Variants in SEMA6D observed in about 807,000 individuals in gnomAD.
SEMA6D encodes the protein semaphorin 6D.
A neutral mutation model predicts 106.6 loss-of-function variants in SEMA6D; 35 were observed. That is an observed-to-expected ratio of 0.33 (90% CI 0.25 to 0.44). The LOEUF is 0.44. SEMA6D is among the 20% of genes least tolerant of loss of function. SEMA6D has a pLI of 1.00. For synonymous variants in SEMA6D, 499 were observed against 487.7 expected, an observed-to-expected ratio of 1.02 and a Z score of -0.31; for missense variants, 1,185 against 1,345.9, an observed-to-expected ratio of 0.88 and a Z score of 1.87.
rs562967968 is a variant in SEMA6D, at chr15:47,752,369, G to A, written c.-54-7376G>A. On this transcript the variant is annotated intron_variant, in intron 1 of 18. Coordinates refer to ENST00000536845, the MANE Select transcript of SEMA6D (RefSeq NM_001358351.3). ...AATGAAATAGGACTGGAAAATGTCC[G>A]TTGCCTTTAGGTACTTGTAGGTCAT... Among the ~76,000 whole-genome samples the A allele has an allele frequency of 6.6e-5, 10 of 152,296 alleles. No homozygotes were observed. In the East Asian group the frequency reaches 9.6e-4, roughly 15 times the overall value.
At chr15:47,657,836 G>A (rs575442414) in intron 4 of SEMA6D, among the ~76,000 whole-genome samples, 1 of 137,654 alleles carries the variant, frequency 7.3e-6, no homozygotes, top group South Asian at 2.3e-4. Context: ...CGTGTCCCAG[G>A]TTCATGCCAT....
At chr15:47,466,869 G>A (rs2042678676) in intron 2 of SEMA6D, among the ~76,000 whole-genome samples, 2 of 150,884 alleles carry the variant, frequency 1.3e-5, no homozygotes, top group Non-Finnish European at 2.9e-5. Flanking sequence ...TGGGATTATA[G>A]GAGTGTAGCA....
intron 1 of SEMA6D, chr15:47,395,831 T>C (rs912528639): frequency 6.6e-6 from 1 of 152,248 alleles, no homozygotes; most frequent in Non-Finnish European, 1.5e-5. Context: ...ACATCTCATT[T>C]GTACAATATT....
chr15:47,764,597 G>A lies in SEMA6D; in HGVS notation c.1098-41G>A, dbSNP rs1020303835. On this transcript the variant is annotated intron_variant, in intron 11 of 18. Coordinates refer to ENST00000536845, the MANE Select transcript of SEMA6D (RefSeq NM_001358351.3). Reference sequence around the variant, plus strand: ...CTTAGATACAGTACATGGTGTGGCAGGGGCAGCCGAGAGCATAAAATAACG... The same window carrying A: ...CTTAGATACAGTACATGGTGTGGCAAGGGCAGCCGAGAGCATAAAATAACG... The A allele has an allele frequency of 4.4e-6, 7 of 1,608,056 alleles. No homozygotes were observed. The African/African-American group carries it at 8.0e-5, about 18-fold the overall frequency.
intron 3 of SEMA6D, among the ~76,000 whole-genome samples, chr15:47,565,656 T>C (rs1244589088): frequency 6.6e-6 from 1 of 152,204 alleles, no homozygotes; most frequent in Non-Finnish European, 1.5e-5. Context: ...CAATTTTTAC[T>C]TCTTAGGTTT....
At chr15:47,220,256 G>A (rs930336556) in intron 1 of SEMA6D, among the ~76,000 whole-genome samples, 2 of 152,170 alleles carry the variant, frequency 1.3e-5, no homozygotes, top group Admixed American at 6.5e-5. Context: ...GCGATAAACC[G>A]AAACTTCCTC....
At chr15:47,289,375 C>T (rs1466897409) in intron 1 of SEMA6D, among the ~76,000 whole-genome samples, 5 of 98,714 alleles carry the variant, frequency 5.1e-5, no homozygotes, top group African/African-American at 1.6e-4. Context: ...GCCTGGGTGA[C>T]AGAGCAAAAC....
intron 3 of SEMA6D, among the ~76,000 whole-genome samples, chr15:47,572,532 G>C (rs1283872427): frequency 6.6e-6 from 1 of 152,154 alleles, no homozygotes; most frequent in Admixed American, 6.5e-5. Context: ...GCCACCATCT[G>C]TTCAGAAATT....
chr15:47,358,154 C>T (rs1181058093), intron 1 of SEMA6D, among the ~76,000 whole-genome samples: 2 of 152,136 alleles, frequency 1.3e-5, no homozygotes, highest in Admixed American at 6.5e-5. Context: ...TCTTCATTTT[C>T]TTGTCCAAAG....
intron 4 of SEMA6D, among the ~76,000 whole-genome samples, chr15:47,661,795 A>G (rs78181695): frequency 6.6e-6 from 1 of 152,182 alleles, no homozygotes; most frequent in African/African-American, 2.4e-5. Flanking sequence ...ATTAGAACCC[A>G]TGTCTCTAAA....
intron 1 of SEMA6D, among the ~76,000 whole-genome samples, chr15:47,312,545 G>A (rs563631735): frequency 6.6e-6 from 1 of 152,210 alleles, no homozygotes; most frequent in Non-Finnish European, 1.5e-5. Context: ...TGCCTGGACT[G>A]TGCTTGCTTC....
At chr15:47,241,311 A>G (rs1460367501) in intron 1 of SEMA6D, 1 of 152,190 alleles carries the variant, frequency 6.6e-6, no homozygotes, top group Non-Finnish European at 1.5e-5. Flanking sequence ...AATTTCACAA[A>G]AGAAACGACC....
In SEMA6D at chr15:47,743,765, G is replaced by A. The variant is rs1372381457; in HGVS notation, c.-54-15980G>A. 2.6e-5 allele frequency among the ~76,000 whole-genome samples: 4 copies of A among 152,144 alleles called. No individual in the cohort carries two copies. The East Asian group carries it at 5.8e-4, about 22-fold the overall frequency. ...AAGCTGAGTTTGCACTGGAATGAGG[G>A]GGTGCTTTACCATGCCCGAAATTTA... On this transcript the variant is annotated intron_variant, in intron 1 of 18. Coordinates refer to ENST00000536845, the MANE Select transcript of SEMA6D (RefSeq NM_001358351.3).
intron 1 of SEMA6D, among the ~76,000 whole-genome samples, chr15:47,404,687 T>TA (rs2040503707): frequency 6.6e-6 from 1 of 152,192 alleles, no homozygotes; most frequent in South Asian, 2.1e-4. Context: ...ATCATCACTA[T>TA]AGTGTGTCTC....
chr15:47,395,758 G>C (rs1274393967), intron 1 of SEMA6D: 1 of 152,222 alleles, frequency 6.6e-6, no homozygotes, highest in Non-Finnish European at 1.5e-5. Flanking sequence ...AAGGAGCATA[G>C]AAATGCAGTA....
At chr15:47,187,453 C>T (rs913776613) in intron 1 of SEMA6D, among the ~76,000 whole-genome samples, 5 of 152,070 alleles carry the variant, frequency 3.3e-5, no homozygotes, top group Non-Finnish European at 7.4e-5. Flanking sequence ...TGTCTTTTTG[C>T]AAGTGCTTTA....
chr15:47,514,480 C>T (rs1035113341), intron 3 of SEMA6D, among the ~76,000 whole-genome samples: 2 of 152,214 alleles, frequency 1.3e-5, no homozygotes, highest in Non-Finnish European at 2.9e-5. Flanking sequence ...CCATGTCTCA[C>T]TTGCAGCATT....
intron 1 of SEMA6D, among the ~76,000 whole-genome samples, chr15:47,384,814 G>GTTTTTTTGTTTTTT (rs1567042573): frequency 1.4e-4 from 9 of 65,696 alleles, no homozygotes; most frequent in East Asian, 6.9e-4. Flanking sequence ...GATTACTAAA[G>GTTTTTTTGTTTTTT]TTTTTTTTTT....
intron 4 of SEMA6D, among the ~76,000 whole-genome samples, chr15:47,678,841 A>G (rs907145594): frequency 7.2e-5 from 11 of 152,124 alleles, no homozygotes; most frequent in African/African-American, 2.7e-4. Context: ...TGATCTTCAC[A>G]TAGTGTTATT....
Sources: gnomAD v4.1 joint callset for allele counts (sites outside exome capture counted in the v4.1 genomes callset) on GRCh38, gnomAD v4.1.1 for gene constraint, MANE v1.5 for transcripts, NCBI Gene and HGNC (gene_info 2026-07-23, HGNC 2026-07-21) for gene names.